Variants in ELFN2 observed in about 807,000 individuals in gnomAD.
The protein encoded by ELFN2 is extracellular leucine rich repeat and fibronectin type III domain containing 2.
In ELFN2, 17 loss-of-function variants were observed where a neutral mutation model predicts 45.5. That is an observed-to-expected ratio of 0.37 (90% CI 0.26 to 0.56). ELFN2 has a LOEUF of 0.56. ELFN2 is among the 20% of genes least tolerant of loss of function. ELFN2 has a pLI of 0.77. For synonymous variants in ELFN2, 550 were observed against 551.5 expected, an observed-to-expected ratio of 1.00 and a Z score of 0.04; for missense variants, 922 against 1,183.2, an observed-to-expected ratio of 0.78 and a Z score of 3.24.
chr22:37,396,456 G>A (rs1206983322), intron 2 of ELFN2, among the ~76,000 whole-genome samples: 3 of 152,178 alleles, frequency 2.0e-5, no homozygotes, highest in Non-Finnish European at 4.4e-5. Context: ...AGCTGCTTGG[G>A]TGCCAGGATC....
chr22:37,347,261 G>A (rs1930719960), intron 1 of ELFN2, among the ~76,000 whole-genome samples: 1 of 152,238 alleles, frequency 6.6e-6, no homozygotes, highest in Admixed American at 6.5e-5. Flanking sequence ...TTACAGGTGT[G>A]AGCCACCACG....
rs1931534608 is a variant in ELFN2 at position 37,375,051 on chromosome 22, G to A, written c.484C>T (p.Arg162Cys). 4 of 1,613,518 alleles carry A rather than the reference G, an allele frequency of 2.5e-6. No homozygotes were observed. Among genetic ancestry groups the A allele is most frequent in the South Asian group, 1.1e-5 (1 of 91,082 alleles). ...SLISIDLSSN[R>C]LSRLDGATFA... ...GTGGCACCGTCCAGGCGGCTGAGGC[G>A]GTTGGAGGACAGGTCGATGCTGATG... The change falls in exon 3 of 3, where the codon CGC becomes TGC. Residue 162 changes from arginine to cysteine, a missense_variant. Physicochemically the swap from Arg to Cys is radical, Grantham distance 180. Coordinates refer to ENST00000402918, the MANE Select transcript of ELFN2 (RefSeq NM_052906.5).
intron 2 of ELFN2, among the ~76,000 whole-genome samples, chr22:37,401,714 GC>G (rs1195934450): frequency 1.9e-4 from 29 of 152,184 alleles, no homozygotes; most frequent in South Asian, 1.4e-3. Flanking sequence ...AACCAAGCCG[GC>G]CCGGCAGCCC....
chr22:37,420,007 C>G (rs1456573059), intron 1 of ELFN2, among the ~76,000 whole-genome samples: 1 of 152,154 alleles, frequency 6.6e-6, no homozygotes, highest in Admixed American at 6.5e-5. Context: ...TCAGGGGCTG[C>G]GGCTGCAAAT....
chr22:37,418,664 C>T (rs2145688977), intron 1 of ELFN2, among the ~76,000 whole-genome samples: 1 of 151,936 alleles, frequency 6.6e-6, no homozygotes, highest in Non-Finnish European at 1.5e-5. Flanking sequence ...ACTCGGATCA[C>T]CAACGCCGCC....
Position 37,372,936 on chromosome 22 carries a change from G to C in ELFN2, c.*136C>G, listed in dbSNP as rs759034259. On this transcript the variant is annotated 3_prime_UTR_variant, in exon 3 of 3. Coordinates refer to ENST00000402918, the MANE Select transcript of ELFN2 (RefSeq NM_052906.5). The surrounding 1 kb of genome is among the most constrained non-coding windows in gnomAD (Gnocchi z 4.4). ...GGTGGTCAGGTGTGTGTGTGCGTGC[G>C]TGCGTGCGGGTCTGCATGTGCGTCC... 2 of 910,820 alleles carry C rather than the reference G, an allele frequency of 2.2e-6. No homozygotes were observed. The highest frequency in any genetic ancestry group is 1.6e-6 in the Non-Finnish European group (1 of 620,860). The allele number at this position is 910,820 out of a possible 1,614,324, so 56.4% of individuals were successfully genotyped here. A position where few individuals can be genotyped will look rare whatever the true frequency, so the allele number is the denominator to read the frequency against.
intron 2 of ELFN2, among the ~76,000 whole-genome samples, chr22:37,378,877 G>A (rs755758915): frequency 4.1e-4 from 62 of 152,264 alleles, no homozygotes; most frequent in Admixed American, 3.9e-3. Context: ...AGCTGTTCAC[G>A]CACTCAAGGT....
rs1383019280 is a variant in ELFN2 at position 37,370,025 on chromosome 22, C to A, written c.*3047G>T. 3 of 152,192 alleles carry A rather than the reference C, an allele frequency of 2.0e-5. No individual in the cohort carries two copies. Among genetic ancestry groups the A allele is most frequent in the Non-Finnish European group, 2.9e-5 (2 of 68,040 alleles). 9.4% of individuals were successfully genotyped at this position (152,192 alleles called of 1,614,324 possible). A position where few individuals can be genotyped will look rare whatever the true frequency, so the allele number is the denominator to read the frequency against. ...GTGGGACACAGATGCAGGCCAGCCTCCGGGTGGGCTCTCCCCAAGCTGAGC... is the reference window on the plus strand; with the variant it reads ...GTGGGACACAGATGCAGGCCAGCCTACGGGTGGGCTCTCCCCAAGCTGAGC... On this transcript the variant is annotated 3_prime_UTR_variant, in exon 3 of 3. Transcript: ENST00000402918.
intron 2 of ELFN2, among the ~76,000 whole-genome samples, chr22:37,412,062 C>T (rs1044927595): frequency 1.3e-5 from 2 of 151,924 alleles, no homozygotes; most frequent in East Asian, 1.9e-4. Flanking sequence ...TGAGGTTGGG[C>T]GCCTCAGTCT....
At chr22:37,394,291 G>A (rs1932154955) in intron 2 of ELFN2, among the ~76,000 whole-genome samples, 1 of 152,310 alleles carries the variant, frequency 6.6e-6, no homozygotes, top group African/African-American at 2.4e-5. Context: ...CCACCTCCCA[G>A]GGTCTCTAGT....
chr22:37,398,186 G>A (rs371564521), intron 2 of ELFN2, among the ~76,000 whole-genome samples: 40 of 152,142 alleles, frequency 2.6e-4, no homozygotes, highest in Admixed American at 7.2e-4. Flanking sequence ...AGCTGTGGGC[G>A]GTGGAGCTAG....
chr22:37,360,068 G>C (rs1162887072), intron 1 of ELFN2, among the ~76,000 whole-genome samples: 1 of 152,232 alleles, frequency 6.6e-6, no homozygotes, highest in African/African-American at 2.4e-5. Flanking sequence ...TCATGGTGCT[G>C]GTGGTGGGCA....
chr22:37,349,726 T>G lies in ELFN2; in HGVS notation n.149-7023A>C, dbSNP rs1463884634. Among the ~76,000 whole-genome samples, 3 of 151,072 alleles carry G rather than the reference T, an allele frequency of 2.0e-5. 1 individual carries two copies. The highest frequency in any genetic ancestry group is 4.5e-5 in the Non-Finnish European group (3 of 67,350). ...TTACATCCTACCCTCACCACCATCA[T>G]CTTACACCTCCAGCCCAGGACATTC... On this transcript the variant is annotated intron_variant and non_coding_transcript_variant, in intron 1 of 2. Transcript: ENST00000452946.
rs576347406 is a variant in ELFN2 at position 37,386,831 on chromosome 22, G to A, written c.-462-10835C>T. On this transcript the variant is annotated intron_variant, in intron 2 of 2. Transcript: ENST00000402918. The stretch of plus-strand genomic sequence containing the variant: ...GCCCTCCCTAACGTGCTGCCAAAGC[G>A]CAGGGTCCACATTCAGCTCGAATCC... Among the ~76,000 whole-genome samples, 38 of 152,222 alleles carry A rather than the reference G, an allele frequency of 2.5e-4. No individual in the cohort carries two copies. The South Asian group carries it at 4.2e-3, about 17-fold the overall frequency.
intron 2 of ELFN2, among the ~76,000 whole-genome samples, chr22:37,398,624 G>A (rs912051451): frequency 3.3e-5 from 5 of 152,098 alleles, no homozygotes; most frequent in Non-Finnish European, 5.9e-5. Context: ...AGCCTCTGGC[G>A]CCTCCCCAGC....
downstream of ELFN2, among the ~76,000 whole-genome samples, chr22:37,364,055 T>G (rs1931148750): frequency 6.6e-6 from 1 of 152,066 alleles, no homozygotes; most frequent in South Asian, 2.1e-4. Context: ...CCAGGGGAAT[T>G]GGGGTAAAGT....
chr22:37,361,245 G>A (rs1358734450), intron 1 of ELFN2, among the ~76,000 whole-genome samples: 1 of 152,162 alleles, frequency 6.6e-6, no homozygotes, highest in Non-Finnish European at 1.5e-5. Context: ...CTGCTGAGCA[G>A]CAGTAAAGAG....
At position 37,422,959 on chromosome 22, in the gene ELFN2, A is replaced by T. The variant is rs62234985; in HGVS notation, c.-614+4339T>A. Reference sequence around the variant, plus strand: ...ACTGGGCCTCGGGGGGGGGGGGGGAAGTGACTTGCCCAGGACCCACACCGA... The same window carrying T: ...ACTGGGCCTCGGGGGGGGGGGGGGATGTGACTTGCCCAGGACCCACACCGA... On this transcript the variant is annotated intron_variant, in intron 1 of 2. Transcript: ENST00000402918. Among the ~76,000 whole-genome samples, 5 of 124,978 alleles carry T rather than the reference A, an allele frequency of 4.0e-5. No individual in the cohort carries two copies. The South Asian group carries it at 7.4e-4, about 19-fold the overall frequency. The allele number at this position is 124,978 out of a possible 152,430, so 82.0% of individuals were successfully genotyped here.
At chr22:37,422,210 A>G (rs1399108962) in intron 1 of ELFN2, among the ~76,000 whole-genome samples, 1 of 152,082 alleles carries the variant, frequency 6.6e-6, no homozygotes, top group East Asian at 1.9e-4. Context: ...AGACACATGC[A>G]TGCACAGTGC....
Sources: allele counts gnomAD v4.1 joint callset (sites outside exome capture counted in the v4.1 genomes callset), GRCh38; gene constraint gnomAD v4.1.1; non-coding constraint Gnocchi (gnomAD v3.1); transcripts MANE v1.5; gene names NCBI Gene and HGNC (gene_info 2026-07-23, HGNC 2026-07-21).